The following LRMDA variants were observed in gnomAD, a reference collection of about 807,000 sequenced individuals.
LRMDA encodes leucine-rich melanocyte differentiation-associated protein.
Under a neutral mutation model 29.8 loss-of-function variants are expected in LRMDA, and 18 were observed. The ratio of observed to expected loss-of-function variants is 0.60; its 90% CI spans 0.42 to 0.90. LRMDA has a LOEUF of 0.90. LRMDA is among the 40% of genes least tolerant of loss of function. The pLI is 0.00. For missense variants in LRMDA, 273 were observed against 273.9 expected, an observed-to-expected ratio of 1.00 and a Z score of 0.02; for synonymous variants, 125 against 109.4, an observed-to-expected ratio of 1.14 and a Z score of -0.89.
intron 6 of LRMDA, among the ~76,000 whole-genome samples, chr10:76,476,204 A>T (rs570148405): frequency 6.8e-4 from 103 of 152,324 alleles, no homozygotes; most frequent in African/African-American, 2.4e-3. Context: ...GCAATAAAAA[A>T]TGACAAAGGG....
intron 5 of LRMDA, among the ~76,000 whole-genome samples, chr10:76,235,151 A>G (rs1236016183): frequency 1.3e-5 from 2 of 152,166 alleles, no homozygotes; most frequent in African/African-American, 2.4e-5. Context: ...TAATTTCAAT[A>G]TCGTTGTGTC....
At chr10:75,787,556 C>T (rs1399138095) in intron 2 of LRMDA, among the ~76,000 whole-genome samples, 1 of 152,180 alleles carries the variant, frequency 6.6e-6, no homozygotes, top group Non-Finnish European at 1.5e-5. Flanking sequence ...CCTCCAGACC[C>T]CCCGCCCTCA....
chr10:76,066,808 G>A lies in LRMDA; in HGVS notation c.516+8025G>A, dbSNP rs1005512924. Among the ~76,000 whole-genome samples the A allele has an allele frequency of 9.2e-5, 14 of 152,356 alleles. No homozygotes were observed. In the East Asian group the frequency reaches 2.7e-3, roughly 29 times the overall value. ...GGTCAGGTTTGCAGTTTCCCCTGAGGGTGAGGAGGAACCTTGGCAGAGTTT... is the reference window on the plus strand; with the variant it reads ...GGTCAGGTTTGCAGTTTCCCCTGAGAGTGAGGAGGAACCTTGGCAGAGTTT... On this transcript the variant is annotated intron_variant, in intron 5 of 6. Coordinates refer to ENST00000611255, the MANE Select transcript of LRMDA (RefSeq NM_001305581.2).
chr10:75,494,515 C>CTTTTTTTTTTTTTTT (rs34902194), intron 2 of LRMDA, among the ~76,000 whole-genome samples: 3 of 102,872 alleles, frequency 2.9e-5, no homozygotes, highest in Admixed American at 1.3e-4. Context: ...ATGTTTGTTC[C>CTTTTTTTTTTTTTTT]TTTTTTTTTT....
rs187294128 is a variant in LRMDA, at chr10:76,219,211, G to A, written c.517-105190G>A. Reference sequence around the variant, plus strand: ...CTAGGAAGAAACTGCATCAACTAACGAGCAAAATAACCAGCTAACATCATA... The same window carrying A: ...CTAGGAAGAAACTGCATCAACTAACAAGCAAAATAACCAGCTAACATCATA... On this transcript the variant is annotated intron_variant, in intron 5 of 6. Transcript: ENST00000611255. 4.1e-3 allele frequency among the ~76,000 whole-genome samples: 631 copies of A among 152,242 alleles called. 2 individuals carry two copies. The highest frequency in any genetic ancestry group is 6.3e-3 in the Non-Finnish European group (428 of 68,012).
Position 76,307,432 on chromosome 10 carries a change from G to A in LRMDA, c.517-16969G>A, listed in dbSNP as rs181479931. ...CTCCTGAAGACTTACACAGGAGGTC[G>A]TCTGCTTTCGAAGGGGAATTTGCCC... On this transcript the variant is annotated intron_variant, in intron 5 of 6. Coordinates refer to ENST00000611255, the MANE Select transcript of LRMDA (RefSeq NM_001305581.2). Among the ~76,000 whole-genome samples the A allele has an allele frequency of 9.2e-5, 14 of 152,228 alleles. No homozygotes were observed. The East Asian group carries it at 2.3e-3, about 25-fold the overall frequency.
At chr10:75,934,999 T>C (rs899988972) in intron 2 of LRMDA, among the ~76,000 whole-genome samples, 2 of 152,122 alleles carry the variant, frequency 1.3e-5, no homozygotes, top group Non-Finnish European at 2.9e-5. Flanking sequence ...TAATGGGTGC[T>C]CTGTCACTAG....
At chr10:76,475,352 CT>C (rs2132320881) in intron 6 of LRMDA, among the ~76,000 whole-genome samples, 1 of 151,598 alleles carries the variant, frequency 6.6e-6, no homozygotes, top group African/African-American at 2.4e-5. Context: ...CTCAATAAAA[CT>C]TTTATTTAAG....
intron 2 of LRMDA, among the ~76,000 whole-genome samples, chr10:75,790,026 G>A (rs1843538824): frequency 6.6e-6 from 1 of 152,096 alleles, no homozygotes; most frequent in Non-Finnish European, 1.5e-5. Context: ...TAGATTTTCA[G>A]TATATCTTTG....
chr10:76,403,946 G>A (rs973256915), intron 6 of LRMDA, among the ~76,000 whole-genome samples: 1 of 152,018 alleles, frequency 6.6e-6, no homozygotes, highest in Non-Finnish European at 1.5e-5. Context: ...AATGGTGCCC[G>A]CTCTCCACTA....
rs150135518 is a variant in LRMDA at position 76,057,131 on chromosome 10, T to C, written c.399-1535T>C. ...GTTGCCTTAAGGTGTGGTTCCTTGA[T>C]GCCCATTTGAGATTTCCTGTTTCTC... is the stretch of plus-strand genomic sequence containing the variant. On this transcript the variant is annotated intron_variant, in intron 4 of 6. Coordinates refer to ENST00000611255, the MANE Select transcript of LRMDA (RefSeq NM_001305581.2). Among the ~76,000 whole-genome samples the C allele has an allele frequency of 3.6e-3, 542 of 152,322 alleles. 4 individuals are homozygous for C. Among genetic ancestry groups the C allele is most frequent in the African/African-American group, 0.01 (435 of 41,574 alleles).
At chr10:75,599,123 T>C (rs1400181327) in intron 2 of LRMDA, among the ~76,000 whole-genome samples, 1 of 150,936 alleles carries the variant, frequency 6.6e-6, no homozygotes, top group East Asian at 1.9e-4. Context: ...AAGATTTCCA[T>C]CTAGCCATTA....
At chr10:75,611,439 C>T (rs549514421) in intron 2 of LRMDA, among the ~76,000 whole-genome samples, 5 of 152,252 alleles carry the variant, frequency 3.3e-5, no homozygotes, top group Middle Eastern at 6.8e-3. Context: ...GCTGTGTAAC[C>T]GTTACAACCA....
intron 2 of LRMDA, among the ~76,000 whole-genome samples, chr10:75,681,072 G>A (rs767619965): frequency 1.3e-5 from 2 of 152,172 alleles, no homozygotes; most frequent in Non-Finnish European, 2.9e-5. Flanking sequence ...GAAGGGAAAG[G>A]TATATTAACC....
intron 2 of LRMDA, among the ~76,000 whole-genome samples, chr10:75,879,994 A>T (rs1282042712): frequency 6.6e-6 from 1 of 152,220 alleles, no homozygotes; most frequent in Non-Finnish European, 1.5e-5. Flanking sequence ...TAAAATTTCC[A>T]TGATGTTAGC....
At chr10:75,844,835 AT>A (rs796473711) in intron 2 of LRMDA, among the ~76,000 whole-genome samples, 10 of 152,320 alleles carry the variant, frequency 6.6e-5, no homozygotes, top group African/African-American at 2.4e-4. Context: ...TATATATCGA[AT>A]AGAAAAGTGA....
chr10:76,544,887 A>G (rs879745077), intron 6 of LRMDA, among the ~76,000 whole-genome samples: 4 of 152,164 alleles, frequency 2.6e-5, no homozygotes, highest in Non-Finnish European at 4.4e-5. Flanking sequence ...AGACTGGGTC[A>G]TTTTTTGTAA....
chr10:75,454,455 C>G (rs919593119), intron 2 of LRMDA, among the ~76,000 whole-genome samples: 20 of 152,148 alleles, frequency 1.3e-4, no homozygotes, highest in African/African-American at 4.1e-4. Flanking sequence ...CATGCCAAAG[C>G]ACCATACTCT....
chr10:75,539,947 C>G lies in LRMDA; in HGVS notation c.131+101453C>G, dbSNP rs372645038. On this transcript the variant is annotated intron_variant, in intron 2 of 6. Transcript: ENST00000611255. ...ATTCAGAGATATTAGCTTATCAGCA[C>G]CCAGGGGTTAAAGGTTATTAACAGA... Among the ~76,000 whole-genome samples the G allele has an allele frequency of 1.1e-4, 16 of 152,244 alleles. No homozygotes were observed. In the East Asian group the frequency reaches 2.9e-3, roughly 28 times the overall value.
Sources: allele counts gnomAD v4.1 joint callset (sites outside exome capture counted in the v4.1 genomes callset), GRCh38; gene constraint gnomAD v4.1.1; transcripts MANE v1.5; gene names NCBI Gene and HGNC (gene_info 2026-07-23, HGNC 2026-07-21).